ARID1B: variants seen among roughly 807,000 people sequenced by gnomAD.
The protein encoded by ARID1B is AT-rich interactive domain-containing protein 1B.
In ARID1B, 30 loss-of-function variants were observed where a neutral mutation model predicts 212.3. That is an observed-to-expected ratio of 0.14 (90% CI 0.11 to 0.19). ARID1B has a LOEUF of 0.19. ARID1B is among the 10% of genes least tolerant of loss of function. The probability of loss-of-function intolerance (pLI) is 1.00; values close to 1 mark genes in which losing one functional copy is unlikely to be tolerated. For synonymous variants in ARID1B, 1,402 were observed against 1,301.7 expected, an observed-to-expected ratio of 1.08 and a Z score of -1.66; for missense variants, 2,891 against 3,204.0, an observed-to-expected ratio of 0.90 and a Z score of 2.36.
chr6:157,035,975 C>T (rs1483805592), intron 4 of ARID1B, among the ~76,000 whole-genome samples: 3 of 152,172 alleles, frequency 2.0e-5, no homozygotes, highest in African/African-American at 7.2e-5. Flanking sequence ...TACTTAAACA[C>T]CTGCCACACA....
chr6:156,835,839 T>C (rs1291409270), intron 2 of ARID1B, among the ~76,000 whole-genome samples: 3 of 152,136 alleles, frequency 2.0e-5, no homozygotes, highest in Admixed American at 1.3e-4. Flanking sequence ...CCTCCTGGGC[T>C]CAAACAATCC....
chr6:156,837,003 T>C (rs79249327), intron 2 of ARID1B, among the ~76,000 whole-genome samples: 4,992 of 152,296 alleles, frequency 0.033, 101 homozygotes, highest in Non-Finnish European at 0.044. Context: ...TCAGCAGTCT[T>C]GTGAAATGTA....
chr6:157,200,630 T>G lies in ARID1B; in HGVS notation c.4480-75T>G. 6.8e-7 allele frequency: 1 copy of G among 1,480,820 alleles called. No individual in the cohort carries two copies. Among genetic ancestry groups the G allele is most frequent in the Non-Finnish European group, 9.1e-7 (1 of 1,104,402 alleles). The allele number at this position is 1,480,820 out of a possible 1,614,324, so 91.7% of individuals were successfully genotyped here. ...AATGAACATTCTAGCAGGTAATAAC[T>G]ATTTTGCATAATTTCAGTGTGTGAT... is the stretch of plus-strand genomic sequence containing the variant. On this transcript the variant is annotated intron_variant, in intron 17 of 19. Transcript: ENST00000636930. The surrounding 1 kb of genome is among the most constrained non-coding windows in gnomAD (Gnocchi z 4.3).
chr6:156,818,141 C>A (rs1409459605), intron 1 of ARID1B, among the ~76,000 whole-genome samples: 4 of 97,592 alleles, frequency 4.1e-5, no homozygotes, highest in African/African-American at 1.6e-4. Context: ...TAAGATTTGA[C>A]CATATATTAG....
chr6:156,931,002 A>T (rs193294941), intron 3 of ARID1B, among the ~76,000 whole-genome samples: 1 of 152,202 alleles, frequency 6.6e-6, no homozygotes, highest in Admixed American at 6.5e-5. Flanking sequence ...CATTCTGGCC[A>T]ACACAGTGAA....
At chr6:157,017,948 G>A (rs1307985323) in intron 4 of ARID1B, among the ~76,000 whole-genome samples, 1 of 129,502 alleles carries the variant, frequency 7.7e-6, no homozygotes, top group Non-Finnish European at 1.6e-5. Context: ...TGGGCAACAT[G>A]AGACACCATC....
intron 4 of ARID1B, among the ~76,000 whole-genome samples, chr6:156,998,149 G>T (rs1365249399): frequency 2.0e-5 from 3 of 151,760 alleles, no homozygotes; most frequent in Non-Finnish European, 4.4e-5. Context: ...TGATATGACA[G>T]TAGAGTGTGC....
At chr6:156,898,927 C>T (rs1311340392) in intron 2 of ARID1B, among the ~76,000 whole-genome samples, 3 of 152,136 alleles carry the variant, frequency 2.0e-5, no homozygotes, top group Non-Finnish European at 2.9e-5. Flanking sequence ...GCCAAGATCG[C>T]GCCATTGCAC....
chr6:157,064,775 G>A (rs1475718096), intron 4 of ARID1B, among the ~76,000 whole-genome samples: 3 of 152,150 alleles, frequency 2.0e-5, no homozygotes, highest in Non-Finnish European at 2.9e-5. Flanking sequence ...GCCTCTGCCT[G>A]ATACTGCGTG....
At chr6:157,111,786 T>C (rs1490254781) in intron 6 of ARID1B, among the ~76,000 whole-genome samples, 1 of 152,176 alleles carries the variant, frequency 6.6e-6, no homozygotes, top group Non-Finnish European at 1.5e-5. Context: ...ATATATATTA[T>C]AATTTAAGGT....
At chr6:157,033,132 T>C (rs1172956145) in intron 4 of ARID1B, among the ~76,000 whole-genome samples, 1 of 152,226 alleles carries the variant, frequency 6.6e-6, no homozygotes, top group African/African-American at 2.4e-5. Flanking sequence ...ATCATATACA[T>C]GTGCATTTTG....
At chr6:157,156,227 T>C (rs1043395522) in intron 8 of ARID1B, among the ~76,000 whole-genome samples, 1 of 152,228 alleles carries the variant, frequency 6.6e-6, no homozygotes, top group Non-Finnish European at 1.5e-5. Context: ...AATTAGGTTT[T>C]AACATAATAG....
chr6:157,039,787 T>A (rs1021435369), intron 4 of ARID1B, among the ~76,000 whole-genome samples: 12 of 141,390 alleles, frequency 8.5e-5, no homozygotes, highest in Non-Finnish European at 1.7e-4. Flanking sequence ...CTTCCTTCCT[T>A]CCTTCCTTCT....
chr6:156,923,420 C>T (rs1415813373), intron 3 of ARID1B, among the ~76,000 whole-genome samples: 1 of 152,100 alleles, frequency 6.6e-6, no homozygotes, highest in Non-Finnish European at 1.5e-5. Flanking sequence ...GTGGGAGCAT[C>T]GTTAAGTGCA....
rs1301496182 is a variant in ARID1B, at chr6:157,094,073, A to G, written c.2491+9168A>G. Among the ~76,000 whole-genome samples the G allele has an allele frequency of 6.6e-6, 1 of 152,194 alleles. No individual in the cohort carries two copies. On this transcript the variant is annotated intron_variant, in intron 5 of 19. Coordinates refer to ENST00000636930, the MANE Select transcript of ARID1B (RefSeq NM_001374828.1). This position sits in a 1 kb window ranked among gnomAD's most constrained non-coding sequence, Gnocchi z 4.3. ...GTTACTTCTTTAGATAGCAGTGGCT[A>G]GTTAGGGCAGGTGTCTCTCTTAGAA...
At chr6:156,787,689 G>T (rs1470959400) in intron 1 of ARID1B, among the ~76,000 whole-genome samples, 1 of 152,122 alleles carries the variant, frequency 6.6e-6, no homozygotes, top group African/African-American at 2.4e-5. Flanking sequence ...TGCTACTGCT[G>T]AGCAAGTATC....
chr6:156,860,121 T>C (rs1166946682), intron 2 of ARID1B, among the ~76,000 whole-genome samples: 2 of 152,252 alleles, frequency 1.3e-5, no homozygotes, highest in Non-Finnish European at 2.9e-5. Context: ...CCTATACTTA[T>C]GCATATATCT....
chr6:156,786,949 T>G (rs1315472350), intron 1 of ARID1B, among the ~76,000 whole-genome samples: 6 of 151,208 alleles, frequency 4.0e-5, no homozygotes, highest in African/African-American at 1.5e-4. Flanking sequence ...TGGCCTGCTT[T>G]TTTTTTTTTT....
At chr6:156,776,370 T>C (rs1290088276), upstream of ARID1B, 2 of 152,224 alleles carry the variant, frequency 1.3e-5, no homozygotes, top group Non-Finnish European at 1.5e-5. Flanking sequence ...TAGAGTTGAC[T>C]GTTTTATATT....
Sources: gnomAD v4.1 joint callset for allele counts (sites outside exome capture counted in the v4.1 genomes callset) on GRCh38, gnomAD v4.1.1 for gene constraint, Gnocchi (gnomAD v3.1) non-coding constraint, MANE v1.5 for transcripts, NCBI Gene and HGNC (gene_info 2026-07-23, HGNC 2026-07-21) for gene names.